TPH2: variants seen among roughly 807,000 people sequenced by gnomAD.
TPH2 encodes tryptophan 5-hydroxylase 2.
In TPH2, 27 loss-of-function variants were observed where a neutral mutation model predicts 59.1. That is an observed-to-expected ratio of 0.46 (90% CI 0.34 to 0.63). TPH2 has a LOEUF of 0.63. Ranked by LOEUF, TPH2 falls within the 30% of genes least tolerant of loss-of-function variation. The pLI, the probability that TPH2 is intolerant of heterozygous loss-of-function variation, is 0.01. For synonymous variants in TPH2, 220 were observed against 210.5 expected, an observed-to-expected ratio of 1.05 and a Z score of -0.39; for missense variants, 523 against 588.3, an observed-to-expected ratio of 0.89 and a Z score of 1.15.
At chr12:72,019,241 C>T (rs1477821978) in intron 8 of TPH2, among the ~76,000 whole-genome samples, 1 of 152,210 alleles carries the variant, frequency 6.6e-6, no homozygotes, top group African/African-American at 2.4e-5. Context: ...CTCTTGTGTG[C>T]CACTGCCATC....
At chr12:71,989,485 A>G (rs73144406) in intron 7 of TPH2, among the ~76,000 whole-genome samples, 39,090 of 152,044 alleles carry the variant, frequency 0.26, 5,095 homozygotes, top group East Asian at 0.36. Context: ...CACCTCTGCC[A>G]CTCATCTCCC....
intron 8 of TPH2, among the ~76,000 whole-genome samples, chr12:72,016,311 C>T (rs573857725): frequency 6.6e-6 from 1 of 151,994 alleles, no homozygotes; most frequent in African/African-American, 2.4e-5. Flanking sequence ...CAATATGGAG[C>T]GTTTATTTAC....
intron 1 of TPH2, among the ~76,000 whole-genome samples, chr12:71,940,441 C>T (rs1871025381): frequency 6.6e-6 from 1 of 152,094 alleles, no homozygotes; most frequent in Admixed American, 6.6e-5. Context: ...GTAGAGAAAT[C>T]AGAAGAAGAC....
rs374833420 is a variant in TPH2, at chr12:72,008,716, A to G, written c.1069-13683A>G. Among the ~76,000 whole-genome samples the G allele has an allele frequency of 8.9e-4, 136 of 152,218 alleles. 4 individuals are homozygous for G. In the East Asian group the frequency reaches 0.014, roughly 16 times the overall value. On this transcript the variant is annotated intron_variant, in intron 8 of 10. Transcript: ENST00000333850. ...ACCATAATGCAGAATAATGGCAGGGACTGAGCCATTAGTTTTCTGAGTCCT... is the reference window on the plus strand; with the variant it reads ...ACCATAATGCAGAATAATGGCAGGGGCTGAGCCATTAGTTTTCTGAGTCCT...
At position 72,031,966 on chromosome 12, in the gene TPH2, T is replaced by C; in HGVS notation, c.*271T>C. ...TCCTGCTTAGTGTCCTTAACCAAAC[T>C]GCATCTAGTTAAAATTTGTAACAAA... On this transcript the variant is annotated 3_prime_UTR_variant, in exon 11 of 11. Coordinates refer to ENST00000333850, the MANE Select transcript of TPH2 (RefSeq NM_173353.4). The C allele has an allele frequency of 4.4e-6, 2 of 450,564 alleles. No homozygotes were observed. The highest frequency in any genetic ancestry group is 2.2e-5 in the South Asian group (1 of 45,008). 27.9% of individuals were successfully genotyped at this position (450,564 alleles called of 1,614,324 possible).
intron 1 of TPH2, among the ~76,000 whole-genome samples, chr12:71,941,375 G>T (rs958543889): frequency 6.6e-6 from 1 of 152,062 alleles, no homozygotes. Context: ...ACTAGATGAT[G>T]TCTTAGACCA....
intron 5 of TPH2, among the ~76,000 whole-genome samples, chr12:71,953,752 T>C (rs1167388473): frequency 6.6e-6 from 1 of 152,136 alleles, no homozygotes; most frequent in African/African-American, 2.4e-5. Context: ...TCCTCGCAAA[T>C]ATAGTTTGGT....
chr12:72,013,650 A>G (rs1873158905), intron 8 of TPH2, among the ~76,000 whole-genome samples: 1 of 152,242 alleles, frequency 6.6e-6, no homozygotes, highest in African/African-American at 2.4e-5. Context: ...GTAGGAGTAA[A>G]AACAGGAGAG....
At chr12:72,027,958 G>C (rs545786340) in intron 9 of TPH2, among the ~76,000 whole-genome samples, 1 of 152,206 alleles carries the variant, frequency 6.6e-6, no homozygotes, top group East Asian at 1.9e-4. Context: ...CCCAACATGG[G>C]GTAGTTTCAC....
intron 4 of TPH2, 85 bp downstream of exon 4, chr12:71,944,771 T>A: frequency 8.4e-7 from 1 of 1,195,170 alleles, no homozygotes; most frequent in Non-Finnish European, 1.2e-6. Context: ...TGTGCTGCAA[T>A]GCTTTATTAT....
intron 5 of TPH2, chr12:71,962,414 G>A (rs895580746): frequency 1.2e-4 from 118 of 985,278 alleles, no homozygotes; most frequent in Admixed American, 1.2e-4. Flanking sequence ...CTTTCCTGGT[G>A]AAAATTTTGG....
At chr12:71,986,814 G>A (rs964253919) in intron 7 of TPH2, among the ~76,000 whole-genome samples, 3 of 152,032 alleles carry the variant, frequency 2.0e-5, no homozygotes, top group Non-Finnish European at 4.4e-5. Context: ...GGTTCATTAT[G>A]TATTTTCAGG....
At position 71,998,803 on chromosome 12, in the gene TPH2, A is replaced by G. The variant is rs535370977; in HGVS notation, c.1068+4238A>G. 2.8e-3 allele frequency among the ~76,000 whole-genome samples: 429 copies of G among 152,340 alleles called. 4 individuals are homozygous for G. Among genetic ancestry groups the G allele is most frequent in the African/African-American group, 0.01 (419 of 41,578 alleles). Reference sequence around the variant, plus strand: ...CTGAAGAAGTAGAGGAAAATGAGCAATGAGATGCACCAAAGGAGAAAAATC... The same window carrying G: ...CTGAAGAAGTAGAGGAAAATGAGCAGTGAGATGCACCAAAGGAGAAAAATC... On this transcript the variant is annotated intron_variant, in intron 8 of 10. Coordinates refer to ENST00000333850, the MANE Select transcript of TPH2 (RefSeq NM_173353.4).
At chr12:71,949,115 G>A (rs1292735955) in intron 4 of TPH2, among the ~76,000 whole-genome samples, 1 of 152,046 alleles carries the variant, frequency 6.6e-6, no homozygotes, top group African/African-American at 2.4e-5. Flanking sequence ...TACTAATTTG[G>A]GAATGTGTCT....
intron 7 of TPH2, among the ~76,000 whole-genome samples, chr12:71,987,603 C>G (rs906539939): frequency 1.3e-5 from 2 of 152,176 alleles, no homozygotes; most frequent in African/African-American, 4.8e-5. Context: ...AATCCTAGCA[C>G]TTTGGGAGGC....
At chr12:72,027,220 G>C (rs75964759) in intron 9 of TPH2, among the ~76,000 whole-genome samples, 2,140 of 152,280 alleles carry the variant, frequency 0.014, 122 homozygotes, top group East Asian at 0.11. Context: ...CATAGTCTAG[G>C]ACCTGAAAGC....
At chr12:71,986,937 A>G (rs1334090210) in intron 7 of TPH2, among the ~76,000 whole-genome samples, 1 of 152,168 alleles carries the variant, frequency 6.6e-6, no homozygotes, top group Non-Finnish European at 1.5e-5. Flanking sequence ...AGAAAGAGGT[A>G]ATCACTGTTC....
chr12:71,956,988 A>T (rs530963036), intron 5 of TPH2, among the ~76,000 whole-genome samples: 1 of 152,152 alleles, frequency 6.6e-6, no homozygotes, highest in Non-Finnish European at 1.5e-5. Context: ...ACTAATCCCT[A>T]TGAAAGAAGA....
chr12:72,013,673 C>T (rs945232388), intron 8 of TPH2, among the ~76,000 whole-genome samples: 2 of 152,206 alleles, frequency 1.3e-5, no homozygotes, highest in Non-Finnish European at 2.9e-5. Context: ...TTATTATTAT[C>T]ATTAGTCTCT....
Sources: allele counts gnomAD v4.1 joint callset (sites outside exome capture counted in the v4.1 genomes callset), GRCh38; gene constraint gnomAD v4.1.1; transcripts MANE v1.5; gene names NCBI Gene and HGNC (gene_info 2026-07-23, HGNC 2026-07-21).